Variants in NME8 observed in about 807,000 individuals in gnomAD.
NME8 encodes protein NME8.
A neutral mutation model predicts 82.3 loss-of-function variants in NME8; 72 were observed. That is an observed-to-expected ratio of 0.87 (90% CI 0.72 to 1.06). The LOEUF is 1.06. Ranked by LOEUF, NME8 falls within the 50% of genes least tolerant of loss-of-function variation. The probability of loss-of-function intolerance (pLI) is 0.00; values close to 1 mark genes in which losing one functional copy is unlikely to be tolerated. For missense variants in NME8, 712 were observed against 685.4 expected, an observed-to-expected ratio of 1.04 and a Z score of -0.43; for synonymous variants, 267 against 228.5, an observed-to-expected ratio of 1.17 and a Z score of -1.52.
At chr7:37,898,729 T>A (rs569037205) in intron 17 of NME8, among the ~76,000 whole-genome samples, 3 of 152,198 alleles carry the variant, frequency 2.0e-5, no homozygotes, top group Non-Finnish European at 4.4e-5. Context: ...TTGTAAGTTA[T>A]TCCTTAATGG....
At chr7:37,884,037 G>A (rs1785004338) in intron 12 of NME8, among the ~76,000 whole-genome samples, 1 of 151,850 alleles carries the variant, frequency 6.6e-6, no homozygotes, top group Admixed American at 6.6e-5. Context: ...AAGATTTAAT[G>A]AGATACCTGT....
chr7:37,864,402 T>C lies in NME8; in HGVS notation c.509T>C (p.Val170Ala). Residue 170 changes from valine (V) to alanine (A), a missense_variant, in exon 9 of 18, where the codon GTT becomes GCT. Transcript: ENST00000199447. ...IKPDAVISKK[V>A]LEIKRKITKA... ...CCGGATGCTGTGATTAGTAAAAAAG[T>C]TCTAGAAATTAAAAGAAAAGTAAGT... 6.3e-7 allele frequency: 1 copy of C among 1,583,652 alleles called. No individual in the cohort carries two copies. The highest frequency in any genetic ancestry group is 8.6e-7 in the Non-Finnish European group (1 of 1,156,252).
chr7:37,876,152 G>A (rs746254472), intron 11 of NME8, among the ~76,000 whole-genome samples: 1 of 151,736 alleles, frequency 6.6e-6, no homozygotes, highest in Non-Finnish European at 1.5e-5. Context: ...AGGTAGCAGT[G>A]AGCCAAGATT....
intron 12 of NME8, among the ~76,000 whole-genome samples, chr7:37,882,630 A>G (rs1309602972): frequency 2.6e-5 from 3 of 116,660 alleles, no homozygotes; most frequent in African/African-American, 8.9e-5. Flanking sequence ...AAAGAAAGAA[A>G]GAAAGAAAGA....
rs571352064 is a variant in NME8, at chr7:37,866,762, C to T, written c.622-940C>T. On this transcript the variant is annotated intron_variant, in intron 10 of 17. Coordinates refer to ENST00000199447, the MANE Select transcript of NME8 (RefSeq NM_016616.5). ...GTTTATTTTGCCAAGGTTAAGGACA[C>T]GCCCATGACACAGCCTCAGGAGGCC... is the stretch of plus-strand genomic sequence containing the variant. Among the ~76,000 whole-genome samples the T allele has an allele frequency of 2.0e-4, 31 of 152,282 alleles. No individual in the cohort carries two copies. In the South Asian group the frequency reaches 2.1e-3, roughly 10 times the overall value.
At chr7:37,888,146 C>T (rs1422986633) in intron 14 of NME8, 131 bp from the exon 15 acceptor site, 2 of 883,266 alleles carry the variant, frequency 2.3e-6, no homozygotes, top group East Asian at 2.6e-5. Flanking sequence ...CATGTACTTA[C>T]TTCCTTTTGC....
intron 15 of NME8, among the ~76,000 whole-genome samples, chr7:37,891,791 C>G (rs547387495): frequency 2.6e-5 from 4 of 151,826 alleles, no homozygotes; most frequent in African/African-American, 9.7e-5. Context: ...AACACAACAA[C>G]AAAAAAAGTT....
chr7:37,857,814 A>G (rs1042344126), intron 6 of NME8, among the ~76,000 whole-genome samples: 2 of 152,210 alleles, frequency 1.3e-5, no homozygotes, highest in African/African-American at 2.4e-5. Context: ...GCAGTTTTCT[A>G]TGTGTGAGGA....
At chr7:37,861,815 A>C (rs1201698825) in intron 6 of NME8, among the ~76,000 whole-genome samples, 2 of 152,178 alleles carry the variant, frequency 1.3e-5, no homozygotes, top group African/African-American at 4.8e-5. Context: ...GGACATGCAA[A>C]TTGGAGGTAG....
chr7:37,896,621 C>T (rs1053193296), intron 16 of NME8, among the ~76,000 whole-genome samples: 1 of 152,130 alleles, frequency 6.6e-6, no homozygotes, highest in Non-Finnish European at 1.5e-5. Context: ...TATTTACAGA[C>T]CTCAAAGTAG....
intron 6 of NME8, among the ~76,000 whole-genome samples, chr7:37,859,737 C>T (rs1784570951): frequency 6.6e-6 from 1 of 152,148 alleles, no homozygotes; most frequent in Non-Finnish European, 1.5e-5. Flanking sequence ...CCTGCCATCA[C>T]CTTGAGGACT....
At chr7:37,889,436 TAAG>T (rs1480929952) in intron 15 of NME8, among the ~76,000 whole-genome samples, 1 of 151,736 alleles carries the variant, frequency 6.6e-6, no homozygotes, top group African/African-American at 2.4e-5. Flanking sequence ...AGTTGAATAT[TAAG>T]TTTATTTATT....
chr7:37,871,671 C>T (rs1396310292), intron 11 of NME8, among the ~76,000 whole-genome samples: 1 of 152,104 alleles, frequency 6.6e-6, no homozygotes, highest in African/African-American at 2.4e-5. Flanking sequence ...CAGTTTAAGT[C>T]TTTATGACAG....
chr7:37,888,649 C>T (rs534011010), intron 15 of NME8, among the ~76,000 whole-genome samples: 1 of 152,088 alleles, frequency 6.6e-6, no homozygotes, highest in South Asian at 2.1e-4. Context: ...CTCTGTCTTT[C>T]TCTTAATCAG....
At chr7:37,864,986 T>C (rs2131949753) in intron 9 of NME8, among the ~76,000 whole-genome samples, 1 of 152,272 alleles carries the variant, frequency 6.6e-6, no homozygotes, top group Admixed American at 6.5e-5. Flanking sequence ...ATGGGAATTG[T>C]GGGAGTTTAA....
At position 37,862,058 on chromosome 7, in the gene NME8, G is replaced by A; in HGVS notation, c.301G>A (p.Ala101Thr). 1 of 1,613,610 alleles carries A rather than the reference G, an allele frequency of 6.2e-7. No homozygotes were observed. Among genetic ancestry groups the A allele is most frequent in the South Asian group, 1.1e-5 (1 of 91,068 alleles). Residue 101 changes from alanine (A) to threonine (T), a missense_variant, in exon 7 of 18, where the codon GCA (alanine) becomes ACA (threonine). Physicochemically the swap from Ala to Thr is moderately conservative, Grantham distance 58. Coordinates refer to ENST00000199447, the MANE Select transcript of NME8 (RefSeq NM_016616.5). ...CAAAATTATCGAAAAGATTCAGGGT[G>A]CAAATGCACCGCTTGTTAATAAAAA... ...NGKIIEKIQG[A>T]NAPLVNKKVI...
chr7:37,887,127 TA>T (rs573685486), intron 14 of NME8, among the ~76,000 whole-genome samples: 74 of 152,176 alleles, frequency 4.9e-4, no homozygotes, highest in Non-Finnish European at 8.7e-4. Flanking sequence ...GAAAAACAGA[TA>T]AAAAGGACAA....
rs199734697 is a variant in NME8, at chr7:37,862,099, C to A, written c.342C>A (p.Ile114=). ...TTAATAAAAAAGTTATTAATTTGATCGATGAGGAGAGAAAAATTGCAGCAG... is the reference window on the plus strand; with the variant it reads ...TTAATAAAAAAGTTATTAATTTGATAGATGAGGAGAGAAAAATTGCAGCAG... The part of the protein sequence containing the change: ...PLVNKKVINL[I]DEERKIAAGE... The change falls in exon 7 of 18, where the codon ATC becomes ATA. Residue 114 remains isoleucine, a synonymous_variant. Transcript: ENST00000199447. 2.5e-6 allele frequency: 4 copies of A among 1,613,252 alleles called. No individual in the cohort carries two copies. The highest frequency in any genetic ancestry group is 3.4e-6 in the Non-Finnish European group (4 of 1,179,620).
chr7:37,854,050 AC>A (rs1300733780), intron 5 of NME8, among the ~76,000 whole-genome samples: 7 of 149,436 alleles, frequency 4.7e-5, no homozygotes. Context: ...AGGGGTGCTA[AC>A]CCCCCACGTA....
Sources: allele counts gnomAD v4.1 joint callset (sites outside exome capture counted in the v4.1 genomes callset), GRCh38; gene constraint gnomAD v4.1.1; transcripts MANE v1.5; gene names NCBI Gene and HGNC (gene_info 2026-07-23, HGNC 2026-07-21).